The following MAP1LC3B variants were observed in gnomAD, a reference collection of about 807,000 sequenced individuals.
The protein encoded by MAP1LC3B is microtubule associated protein 1 light chain 3 beta, also known as microtubule-associated protein 1 light chain 3 beta.
A neutral mutation model predicts 16.7 loss-of-function variants in MAP1LC3B; 12 were observed. That is an observed-to-expected ratio of 0.72 (90% CI 0.46 to 1.16). MAP1LC3B has a LOEUF of 1.16. MAP1LC3B is among the 50% of genes most tolerant of loss of function. MAP1LC3B has a pLI of 0.00. For missense variants in MAP1LC3B, 155 were observed against 159.5 expected, an observed-to-expected ratio of 0.97 and a Z score of 0.15; for synonymous variants, 63 against 56.5, an observed-to-expected ratio of 1.11 and a Z score of -0.51.
At position 87,392,397 on chromosome 16, in the gene MAP1LC3B, T is replaced by TCGCCGCCGC. The variant is rs528315518; in HGVS notation, c.-23_-15dup. 9 of 1,409,230 alleles carry TCGCCGCCGC rather than the reference T, an allele frequency of 6.4e-6. No homozygotes were observed. The African/African-American group carries it at 7.6e-5, about 12-fold the overall frequency. The allele number at this position is 1,409,230 out of a possible 1,614,324, so 87.3% of individuals were successfully genotyped here. A position where few individuals can be genotyped will look rare whatever the true frequency, so the allele number is the denominator to read the frequency against. ...GGGAGCCGCCGGGACCCTCGCGTCG[T>TCGCCGCCGC]CGCCGCCGCCGCCGCCCAGATCCCT... On this transcript the variant is annotated 5_prime_UTR_variant, in exon 1 of 4. Coordinates refer to ENST00000268607, the MANE Select transcript of MAP1LC3B (RefSeq NM_022818.5).
Position 87,403,044 on chromosome 16 carries a change from C to T in MAP1LC3B, c.325C>T (p.Leu109=), listed in dbSNP as rs1273703711. Residue 109 remains leucine, a synonymous_variant, in exon 4 of 4, where the codon CTG becomes TTG. Coordinates refer to ENST00000268607, the MANE Select transcript of MAP1LC3B (RefSeq NM_022818.5). ...GAGTGAGAAAGATGAAGATGGATTC[C>T]TGTACATGGTCTATGCCTCCCAGGA... The part of the protein sequence containing the change: ...YESEKDEDGF[L]YMVYASQETF... 1 of 1,614,170 alleles carries T rather than the reference C, an allele frequency of 6.2e-7. No individual in the cohort carries two copies. Among genetic ancestry groups the T allele is most frequent in the Non-Finnish European group, 8.5e-7 (1 of 1,180,032 alleles).
intron 3 of MAP1LC3B, 42 bp from the exon 4 acceptor site, chr16:87,402,881 G>A (rs776457218): frequency 6.8e-6 from 11 of 1,610,210 alleles, no homozygotes; most frequent in Middle Eastern, 1.6e-4. Flanking sequence ...CATCCTTCTT[G>A]TATTGTTGTC....
intron 1 of MAP1LC3B, among the ~76,000 whole-genome samples, chr16:87,393,694 A>G (rs1408945239): frequency 6.6e-6 from 1 of 152,128 alleles, no homozygotes; most frequent in Non-Finnish European, 1.5e-5. Context: ...TCTTTACTGT[A>G]GTGTCTAGGC....
At chr16:87,399,664 CTCAGAGGCTCATCTGTGG>C (rs1181488689) in intron 2 of MAP1LC3B, 11 of 450,750 alleles carry the variant, frequency 2.4e-5, no homozygotes, top group Non-Finnish European at 4.9e-5. Context: ...ACTAATGAGA[CTCAGAGGCTCATCTGTGG>C]TCAGGTATTA....
chr16:87,401,242 C>T (rs1343917485), intron 2 of MAP1LC3B, among the ~76,000 whole-genome samples: 1 of 151,952 alleles, frequency 6.6e-6, no homozygotes, highest in African/African-American at 2.4e-5. Flanking sequence ...GCCTCTCTGC[C>T]TCGGTAAGGC....
Position 87,404,089 on chromosome 16 carries a change from A to C in MAP1LC3B, c.*992A>C, listed in dbSNP as rs1908091013. 6.6e-6 allele frequency: 1 copy of C among 152,218 alleles called. No individual in the cohort carries two copies. Among genetic ancestry groups the C allele is most frequent in the South Asian group, 2.1e-4 (1 of 4,832 alleles). The allele number at this position is 152,218 out of a possible 1,614,324, so 9.4% of individuals were successfully genotyped here. ...CTGAAAAGGTACCCACATTTTGAAT[A>C]GTAGTTATCACTCTTAGGTCAGACA... On this transcript the variant is annotated 3_prime_UTR_variant, in exon 4 of 4. Coordinates refer to ENST00000268607, the MANE Select transcript of MAP1LC3B (RefSeq NM_022818.5).
intron 2 of MAP1LC3B, among the ~76,000 whole-genome samples, chr16:87,400,566 G>C (rs1330133913): frequency 6.6e-6 from 1 of 152,100 alleles, no homozygotes; most frequent in African/African-American, 2.4e-5. Context: ...TTTGTCTCTA[G>C]AACCAGCTAA....
chr16:87,403,176 G>C lies in MAP1LC3B; in HGVS notation c.*79G>C. 6.7e-7 allele frequency: 1 copy of C among 1,497,950 alleles called. No homozygotes were observed. Among genetic ancestry groups the C allele is most frequent in the Non-Finnish European group, 9.0e-7 (1 of 1,107,850 alleles). The allele number at this position is 1,497,950 out of a possible 1,614,324, so 92.8% of individuals were successfully genotyped here. On this transcript the variant is annotated 3_prime_UTR_variant, in exon 4 of 4. Transcript: ENST00000268607. ...AAAAGGGATGTTACCAACTGAGATC[G>C]ATCAGTTCATCCAATCACAGATCAT... is the stretch of plus-strand genomic sequence containing the variant.
rs1567498356 is a variant in MAP1LC3B at position 87,394,251 on chromosome 16, ACC to A, written c.40+1785_40+1786del. 3.4e-5 allele frequency among the ~76,000 whole-genome samples: 5 copies of A among 148,824 alleles called. No individual in the cohort carries two copies. In the East Asian group the frequency reaches 1.0e-3, roughly 30 times the overall value. ...TGTGTCAAATATCTTAACAGCTGTT[ACC>A]TTTCCTTGCTTCTGATTTTGGTAAT... On this transcript the variant is annotated intron_variant, in intron 1 of 3. Transcript: ENST00000268607.
chr16:87,402,882 T>C, intron 3 of MAP1LC3B, 41 bp from the exon 4 acceptor site: 3 of 1,610,978 alleles, frequency 1.9e-6, no homozygotes, highest in Admixed American at 1.7e-5. Context: ...ATCCTTCTTG[T>C]ATTGTTGTCA....
chr16:87,402,102 T>C (rs1023807540), intron 2 of MAP1LC3B, 73 bp from the exon 3 acceptor site: 131 of 1,488,466 alleles, frequency 8.8e-5, no homozygotes, highest in Non-Finnish European at 1.5e-5. Context: ...CCCAAAATGC[T>C]GGGGTTACAG....
At chr16:87,394,151 G>A (rs773727196) in intron 1 of MAP1LC3B, among the ~76,000 whole-genome samples, 3 of 151,898 alleles carry the variant, frequency 2.0e-5, no homozygotes, top group Non-Finnish European at 4.4e-5. Context: ...TGTATTTTCA[G>A]GGTTTTTTCC....
intron 2 of MAP1LC3B, 70 bp downstream of exon 2, chr16:87,398,940 C>A: frequency 7.3e-7 from 1 of 1,374,432 alleles, no homozygotes; most frequent in Non-Finnish European, 1.0e-6. Context: ...AGTGCATCCA[C>A]TTGACGGGTT....
At position 87,401,096 on chromosome 16, in the gene MAP1LC3B, G is replaced by A. The variant is rs189504734; in HGVS notation, c.97-1079G>A. ...TGCAGTGAGCCAAGATCGTGCCACT[G>A]CATTCCAGCCTGGGCGACAGAGCAA... On this transcript the variant is annotated intron_variant, in intron 2 of 3. Transcript: ENST00000268607. Among the ~76,000 whole-genome samples, 270 of 134,772 alleles carry A rather than the reference G, an allele frequency of 2.0e-3. 1 individual carries two copies. Among genetic ancestry groups the A allele is most frequent in the African/African-American group, 7.1e-3 (252 of 35,590 alleles). 88.4% of individuals were successfully genotyped at this position (134,772 alleles called of 152,430 possible).
chr16:87,402,184 G>T lies in MAP1LC3B; in HGVS notation c.106G>T (p.Glu36Ter), dbSNP rs182465120. 1.2e-6 allele frequency: 2 copies of T among 1,613,972 alleles called. No homozygotes were observed. Among genetic ancestry groups the T allele is most frequent in the Non-Finnish European group, 1.7e-6 (2 of 1,179,958 alleles). ...QHPTKIPVII[E>*]RYKGEKQLPV... ...CTGGCTTCTTTTCCAGGTGATAATA[G>T]AACGATACAAGGGTGAGAAGCAGCT... The change falls in exon 3 of 4, where the codon GAA becomes TAA. Residue 36 changes from glutamate (E) to a stop codon, truncating the protein, a stop_gained. Coordinates refer to ENST00000268607, the MANE Select transcript of MAP1LC3B (RefSeq NM_022818.5). LOFTEE classifies it high-confidence loss of function.
Position 87,404,687 on chromosome 16 carries a change from A to G in MAP1LC3B, c.*1590A>G, listed in dbSNP as rs898158542. On this transcript the variant is annotated 3_prime_UTR_variant, in exon 4 of 4. Coordinates refer to ENST00000268607, the MANE Select transcript of MAP1LC3B (RefSeq NM_022818.5). ...AATAACATGCTGAGGGGTGACCTAT[A>G]TCCCATGTGAGTGGTCACTTTATTT... 1 of 152,198 alleles carries G rather than the reference A, an allele frequency of 6.6e-6. No individual in the cohort carries two copies. The highest frequency in any genetic ancestry group is 1.5e-5 in the Non-Finnish European group (1 of 68,042). The allele number at this position is 152,198 out of a possible 1,614,324, so 9.4% of individuals were successfully genotyped here. A position where few individuals can be genotyped will look rare whatever the true frequency, so the allele number is the denominator to read the frequency against.
intron 2 of MAP1LC3B, chr16:87,399,482 A>G (rs1481224732): frequency 1.6e-5 from 6 of 368,498 alleles, no homozygotes; most frequent in Non-Finnish European, 1.6e-5. Flanking sequence ...GGCCTTACAC[A>G]GAACCCTATG....
At chr16:87,402,453 G>A in intron 3 of MAP1LC3B, 172 bp downstream of exon 3, 4 of 685,464 alleles carry the variant, frequency 5.8e-6, no homozygotes, top group East Asian at 2.8e-5. Flanking sequence ...ACTATAAAAT[G>A]TTTCTTTTTT....
chr16:87,398,685 C>T (rs1907886633), intron 1 of MAP1LC3B, 130 bp from the exon 2 acceptor site: 7 of 783,588 alleles, frequency 8.9e-6, no homozygotes, highest in Non-Finnish European at 1.3e-5. Context: ...TCTTTAAGTC[C>T]TAGGAAAGAT....
Sources: allele counts gnomAD v4.1 joint callset (sites outside exome capture counted in the v4.1 genomes callset), GRCh38; gene constraint gnomAD v4.1.1; transcripts MANE v1.5; gene names NCBI Gene and HGNC (gene_info 2026-07-23, HGNC 2026-07-21).